The following ZFHX3 variants were observed in gnomAD, a reference collection of about 807,000 sequenced individuals.
ZFHX3 encodes zinc finger homeobox protein 3.
A neutral mutation model predicts 279.1 loss-of-function variants in ZFHX3; 42 were observed. That is an observed-to-expected ratio of 0.15 (90% confidence interval 0.12 to 0.19). The LOEUF (loss-of-function observed/expected upper bound fraction) is 0.19, where lower values mean the gene tolerates loss of function less well. ZFHX3 is among the 10% of genes least tolerant of loss of function. The pLI is 1.00. For synonymous variants in ZFHX3, 2,293 were observed against 1,957.8 expected, an observed-to-expected ratio of 1.17 and a Z score of -4.52; for missense variants, 4,981 against 4,754.0, an observed-to-expected ratio of 1.05 and a Z score of -1.40.
intron 1 of ZFHX3, among the ~76,000 whole-genome samples, chr16:73,793,552 G>C (rs1392397251): frequency 2.0e-5 from 3 of 152,194 alleles, no homozygotes; most frequent in South Asian, 2.1e-4. Flanking sequence ...ACTAATTGTA[G>C]CTGTGCTGTA....
intron 5 of ZFHX3, among the ~76,000 whole-genome samples, chr16:73,235,806 G>A (rs2012928381): frequency 6.6e-6 from 1 of 152,110 alleles, no homozygotes; most frequent in Non-Finnish European, 1.5e-5. Context: ...GAGCGGCTGG[G>A]ACTATAGGCA....
rs757316139 is a variant in ZFHX3 at position 72,957,797 on chromosome 16, T to TGCCGCCGCC, written c.2340_2348dup (p.Ala782_Ala784dup). On this transcript the variant is annotated inframe_insertion, in exon 2 of 10. Coordinates refer to ENST00000268489, the MANE Select transcript of ZFHX3 (RefSeq NM_006885.4). ...CCCCGCAGGAGCTACTGATATTGGC[T>TGCCGCCGCC]GCCGCCGCCGCCGCAGCCACCGCCG... 1 of 1,608,228 alleles carries TGCCGCCGCC rather than the reference T, an allele frequency of 6.2e-7. No individual in the cohort carries two copies. Among genetic ancestry groups the TGCCGCCGCC allele is most frequent in the Non-Finnish European group, 8.5e-7 (1 of 1,177,576 alleles).
intron 4 of ZFHX3, among the ~76,000 whole-genome samples, chr16:73,287,768 G>A (rs980769760): frequency 7.0e-6 from 1 of 143,664 alleles, no homozygotes; most frequent in South Asian, 2.2e-4. Flanking sequence ...GGCTGTGTGG[G>A]TGTGTGGGTA....
intron 2 of ZFHX3, among the ~76,000 whole-genome samples, chr16:73,538,216 A>C (rs1286488768): frequency 6.6e-6 from 1 of 152,196 alleles, no homozygotes; most frequent in Non-Finnish European, 1.5e-5. Flanking sequence ...AACACTAGTC[A>C]GCCTAAAATA....
chr16:73,398,909 G>C (rs1025521227), intron 3 of ZFHX3, among the ~76,000 whole-genome samples: 2 of 151,948 alleles, frequency 1.3e-5, no homozygotes, highest in South Asian at 2.1e-4. Flanking sequence ...CAGTTGCCCA[G>C]GCTGGAGTGC....
chr16:72,871,605 G>A (rs2038162601), intron 4 of ZFHX3, among the ~76,000 whole-genome samples: 1 of 151,990 alleles, frequency 6.6e-6, no homozygotes, highest in Non-Finnish European at 1.5e-5. Context: ...CTCCCAAAGT[G>A]CTGGAATTAC....
In ZFHX3 at chr16:73,242,846, G is replaced by A. The variant is rs757258924; in HGVS notation, c.-1104+14201C>T. Reference sequence around the variant, plus strand: ...CCAGCAACCTTGCCATCAGTGTGGAGGTGTGGGGTAGAGGGTAAGATAGCA... The same window carrying A: ...CCAGCAACCTTGCCATCAGTGTGGAAGTGTGGGGTAGAGGGTAAGATAGCA... On this transcript the variant is annotated intron_variant, in intron 5 of 17. Transcript: ENST00000641206. 3.9e-5 allele frequency among the ~76,000 whole-genome samples: 6 copies of A among 152,196 alleles called. No individual in the cohort carries two copies. In the East Asian group the frequency reaches 7.7e-4, roughly 20 times the overall value.
At chr16:72,995,196 G>A (rs778838218) in intron 1 of ZFHX3, among the ~76,000 whole-genome samples, 20 of 152,106 alleles carry the variant, frequency 1.3e-4, no homozygotes, top group Admixed American at 4.6e-4. Context: ...TCCAGGGCAC[G>A]CTTTATCCTT....
At chr16:73,592,731 T>G (rs988820140) in intron 2 of ZFHX3, among the ~76,000 whole-genome samples, 3 of 113,838 alleles carry the variant, frequency 2.6e-5, no homozygotes, top group Non-Finnish European at 6.3e-5. Context: ...GAATTTTTCA[T>G]AATAAAAAGG....
At chr16:73,225,280 T>G (rs1040558849) in intron 5 of ZFHX3, among the ~76,000 whole-genome samples, 25 of 152,164 alleles carry the variant, frequency 1.6e-4, no homozygotes, top group African/African-American at 5.8e-4. Context: ...TGAGGCTTAT[T>G]ATTCTGAACA....
chr16:73,384,745 C>T (rs1054335539), intron 3 of ZFHX3, among the ~76,000 whole-genome samples: 2 of 152,334 alleles, frequency 1.3e-5, no homozygotes, highest in African/African-American at 4.8e-5. Context: ...CAAATCTAGA[C>T]AGACAGCTCA....
At chr16:73,260,678 TG>T in intron 4 of ZFHX3, among the ~76,000 whole-genome samples, 1 of 134,670 alleles carries the variant, frequency 7.4e-6, no homozygotes, top group Non-Finnish European at 1.6e-5. Flanking sequence ...TGCACCTATC[TG>T]GTTTTTTTTT....
At chr16:73,783,605 T>G (rs1251172085) in intron 1 of ZFHX3, among the ~76,000 whole-genome samples, 2 of 152,210 alleles carry the variant, frequency 1.3e-5, no homozygotes, top group African/African-American at 4.8e-5. Context: ...AATTGATGAT[T>G]GATTCATTCA....
chr16:72,992,051 G>C (rs886327606), intron 1 of ZFHX3, among the ~76,000 whole-genome samples: 2 of 152,142 alleles, frequency 1.3e-5, no homozygotes, highest in African/African-American at 4.8e-5. Flanking sequence ...CCTGAGTTGG[G>C]GGCAGAGGGG....
intron 7 of ZFHX3, among the ~76,000 whole-genome samples, chr16:73,111,561 T>C (rs1465351242): frequency 6.7e-6 from 1 of 150,316 alleles, no homozygotes; most frequent in Non-Finnish European, 1.5e-5. Flanking sequence ...CCTAAGTCTT[T>C]ACAGATTCCA....
Position 72,958,451 on chromosome 16 carries a change from G to A in ZFHX3, c.1695C>T (p.Asn565=). The A allele has an allele frequency of 3.7e-6, 6 of 1,614,142 alleles. No individual in the cohort carries two copies. Among genetic ancestry groups the A allele is most frequent in the Non-Finnish European group, 5.1e-6 (6 of 1,180,044 alleles). The change falls in exon 2 of 10, where the codon AAC becomes AAT. Residue 565 remains asparagine, a synonymous_variant. Coordinates refer to ENST00000268489, the MANE Select transcript of ZFHX3 (RefSeq NM_006885.4). Reference sequence around the variant, plus strand: ...TGTTAAAGCTTAAACGATTCCTCCTGTTCGCACCATCAAAGACAACAAAGG... The same window carrying A: ...TGTTAAAGCTTAAACGATTCCTCCTATTCGCACCATCAAAGACAACAAAGG... ...ASSFVVFDGA[N]RRNRLSFNSE...
intron 2 of ZFHX3, among the ~76,000 whole-genome samples, chr16:73,677,146 T>C (rs893275686): frequency 6.6e-6 from 1 of 151,886 alleles, no homozygotes; most frequent in Non-Finnish European, 1.5e-5. Context: ...ATACATACTA[T>C]CCCCAAAATA....
intron 1 of ZFHX3, among the ~76,000 whole-genome samples, chr16:73,838,551 T>A (rs192462184): frequency 2.6e-5 from 4 of 152,308 alleles, no homozygotes; most frequent in African/African-American, 9.6e-5. Flanking sequence ...AAACATAAGT[T>A]TGAAAGACCT....
chr16:73,860,364 C>G lies in ZFHX3; in HGVS notation c.-1608+31287G>C, dbSNP rs1306967337. 4.6e-5 allele frequency among the ~76,000 whole-genome samples: 7 copies of G among 151,186 alleles called. No homozygotes were observed. In the East Asian group the frequency reaches 7.8e-4, roughly 17 times the overall value. On this transcript the variant is annotated intron_variant, in intron 1 of 17. Coordinates refer to the ZFHX3 transcript ENST00000641206. ...TTCAAACTCTTCCATTTTGTTTCTG[C>G]TTTCCTTGTTTTTCATTCCCTTACT...
Sources: gnomAD v4.1 joint callset for allele counts (sites outside exome capture counted in the v4.1 genomes callset) on GRCh38, gnomAD v4.1.1 for gene constraint, MANE v1.5 for transcripts, NCBI Gene and HGNC (gene_info 2026-07-23, HGNC 2026-07-21) for gene names.